The following CALN1 variants were observed in gnomAD, a reference collection of about 807,000 sequenced individuals.
The protein encoded by CALN1 is calcium-binding protein 8.
A neutral mutation model predicts 30.6 loss-of-function variants in CALN1; 17 were observed. That is an observed-to-expected ratio of 0.56 (90% CI 0.38 to 0.83). The LOEUF (loss-of-function observed/expected upper bound fraction) is 0.83, where lower values mean the gene tolerates loss of function less well. CALN1 is among the 40% of genes least tolerant of loss of function. CALN1 has a pLI of 0.00. For missense variants in CALN1, 291 were observed against 354.9 expected, an observed-to-expected ratio of 0.82 and a Z score of 1.45; for synonymous variants, 156 against 131.4, an observed-to-expected ratio of 1.19 and a Z score of -1.28.
chr7:72,371,295 A>T (rs1362916661), intron 2 of CALN1, among the ~76,000 whole-genome samples: 1 of 152,156 alleles, frequency 6.6e-6, no homozygotes, highest in Non-Finnish European at 1.5e-5. Context: ...GCATGTATGC[A>T]TATGATATGG....
At chr7:72,337,450 A>C in intron 2 of CALN1, 22 of 190,038 alleles carry the variant, frequency 1.2e-4, no homozygotes, top group Non-Finnish European at 2.0e-4. Context: ...ACGCATGCAC[A>C]TGCACGGCAC....
intron 3 of CALN1, among the ~76,000 whole-genome samples, chr7:72,121,763 T>C (rs1001956532): frequency 6.7e-6 from 1 of 148,514 alleles, no homozygotes; most frequent in Non-Finnish European, 1.5e-5. Context: ...GGTTTTATCA[T>C]AATGATTATT....
chr7:72,089,234 G>C (rs1805688491), intron 4 of CALN1, among the ~76,000 whole-genome samples: 1 of 152,044 alleles, frequency 6.6e-6, no homozygotes, highest in African/African-American at 2.4e-5. Flanking sequence ...TTAATCATTT[G>C]TAACTGATAT....
At position 71,787,409 on chromosome 7, in the gene CALN1, C is replaced by G; in HGVS notation, c.*366G>C. ...TGGGGAGTGGAGGTGACTGTGTGTT[C>G]ATGCCTCTCTCTTGCTCTCTCACCA... On this transcript the variant is annotated 3_prime_UTR_variant, in exon 7 of 7. Transcript: ENST00000395275. 1 of 204,496 alleles carries G rather than the reference C, an allele frequency of 4.9e-6. No individual in the cohort carries two copies. The highest frequency in any genetic ancestry group is 1.0e-5 in the Non-Finnish European group (1 of 96,866). The allele number at this position is 204,496 out of a possible 1,614,324, so 12.7% of individuals were successfully genotyped here. A position where few individuals can be genotyped will look rare whatever the true frequency, so the allele number is the denominator to read the frequency against.
chr7:71,839,722 C>G (rs1789823193), intron 5 of CALN1, among the ~76,000 whole-genome samples: 1 of 152,182 alleles, frequency 6.6e-6, no homozygotes, highest in Non-Finnish European at 1.5e-5. Flanking sequence ...GGCTCAGCTT[C>G]TACCTAGCAT....
At chr7:72,306,100 T>A (rs1173997480) in intron 2 of CALN1, among the ~76,000 whole-genome samples, 1 of 152,168 alleles carries the variant, frequency 6.6e-6, no homozygotes, top group Non-Finnish European at 1.5e-5. Flanking sequence ...TATCTAACCT[T>A]GTATATCATG....
chr7:71,942,936 TTG>T (rs972797606), intron 5 of CALN1, among the ~76,000 whole-genome samples: 22 of 152,278 alleles, frequency 1.4e-4, no homozygotes, highest in African/African-American at 5.1e-4. Context: ...ATGTAACCGT[TTG>T]TGTATCACTT....
chr7:71,834,459 A>G (rs1789493183), intron 5 of CALN1, among the ~76,000 whole-genome samples: 1 of 152,018 alleles, frequency 6.6e-6, no homozygotes, highest in Admixed American at 6.6e-5. Flanking sequence ...AGGAACAGCA[A>G]GGTAAGGAAT....
At chr7:72,271,256 T>A (rs1585318782) in intron 3 of CALN1, among the ~76,000 whole-genome samples, 1 of 152,042 alleles carries the variant, frequency 6.6e-6, no homozygotes, top group Non-Finnish European at 1.5e-5. Flanking sequence ...GATACGTATC[T>A]TGAGGTCATC....
At chr7:72,315,958 C>A (rs957490034) in intron 2 of CALN1, among the ~76,000 whole-genome samples, 3 of 151,734 alleles carry the variant, frequency 2.0e-5, no homozygotes, top group African/African-American at 7.3e-5. Flanking sequence ...ACCAGCCTGG[C>A]CAACATGGTG....
chr7:72,042,662 A>G (rs1802203199), intron 4 of CALN1, among the ~76,000 whole-genome samples: 1 of 152,062 alleles, frequency 6.6e-6, no homozygotes. Flanking sequence ...CTTGAGGCCA[A>G]CAGATTGAGG....
chr7:71,847,832 AAGGAGAAGG>A (rs1372019574), intron 5 of CALN1, among the ~76,000 whole-genome samples: 2 of 98,606 alleles, frequency 2.0e-5, no homozygotes, highest in Admixed American at 1.1e-4. Flanking sequence ...GGAGAAGGAG[AAGGAGAAGG>A]AGAAGGAGAA....
chr7:72,357,342 A>G (rs749437621), intron 2 of CALN1, among the ~76,000 whole-genome samples: 5 of 152,030 alleles, frequency 3.3e-5, no homozygotes, highest in Non-Finnish European at 7.3e-5. Context: ...CCTGCACCAC[A>G]GATCAGCTCC....
intron 4 of CALN1, among the ~76,000 whole-genome samples, chr7:72,030,315 A>G (rs937133345): frequency 4.6e-5 from 7 of 152,174 alleles, no homozygotes; most frequent in South Asian, 2.1e-4. Context: ...CTGTCTCCCG[A>G]TATTTCTCAG....
chr7:72,211,148 T>A (rs1370512669), intron 3 of CALN1, among the ~76,000 whole-genome samples: 1 of 152,134 alleles, frequency 6.6e-6, no homozygotes, highest in African/African-American at 2.4e-5. Flanking sequence ...AAAACTAACT[T>A]AGGCTCCCTA....
intron 6 of CALN1, among the ~76,000 whole-genome samples, chr7:71,790,056 G>T (rs1006804423): frequency 6.6e-6 from 1 of 151,594 alleles, no homozygotes; most frequent in Non-Finnish European, 1.5e-5. Flanking sequence ...GTGAGCTGTG[G>T]TCACACCACT....
At chr7:72,177,694 G>A (rs1789459665) in intron 3 of CALN1, among the ~76,000 whole-genome samples, 1 of 150,992 alleles carries the variant, frequency 6.6e-6, no homozygotes, top group South Asian at 2.1e-4. Context: ...GAACCTGAGA[G>A]GCAGAAGCTG....
intron 5 of CALN1, among the ~76,000 whole-genome samples, chr7:71,891,677 C>T (rs1793247811): frequency 6.6e-6 from 1 of 152,220 alleles, no homozygotes; most frequent in African/African-American, 2.4e-5. Context: ...GGCATGATGG[C>T]TCACGCCTGT....
chr7:72,042,854 C>A (rs891451553), intron 4 of CALN1, among the ~76,000 whole-genome samples: 2 of 152,122 alleles, frequency 1.3e-5, no homozygotes, highest in African/African-American at 4.8e-5. Context: ...AATGGTGGGA[C>A]CCCTCCAAAA....
Sources: gnomAD v4.1 joint callset for allele counts (sites outside exome capture counted in the v4.1 genomes callset) on GRCh38, gnomAD v4.1.1 for gene constraint, MANE v1.5 for transcripts, NCBI Gene and HGNC (gene_info 2026-07-23, HGNC 2026-07-21) for gene names.